The following CNKSR3 variants were observed in gnomAD, a reference collection of about 807,000 sequenced individuals.
The protein encoded by CNKSR3 is CNKSR family member 3, also known as connector enhancer of kinase suppressor of ras 3.
Under a neutral mutation model 67.7 loss-of-function variants are expected in CNKSR3, and 36 were observed. The observed-to-expected ratio is 0.53, with a 90% confidence interval of 0.41 to 0.70. The LOEUF is 0.70. Among genes scored for constraint, CNKSR3 ranks in the 30% least tolerant of loss-of-function variants. The pLI is 0.00. For missense variants in CNKSR3, 630 were observed against 695.2 expected (o/e 0.91, Z 1.05); for synonymous variants, 281 against 271.4 (o/e 1.04, Z -0.35).
At chr6:154,494,292 G>A (rs1325659323) in intron 1 of CNKSR3, among the ~76,000 whole-genome samples, 2 of 152,088 alleles carry the variant, frequency 1.3e-5, no homozygotes, top group Non-Finnish European at 2.9e-5. Flanking sequence ...CAGATCTTAT[G>A]AGAACTCACT....
intron 12 of CNKSR3, among the ~76,000 whole-genome samples, chr6:154,408,739 C>G (rs1784851991): frequency 6.6e-6 from 1 of 152,128 alleles, no homozygotes; most frequent in Admixed American, 6.5e-5. Flanking sequence ...CTAAAACCCA[C>G]CTGACTGTAT....
At chr6:154,424,585 C>G (rs1050230573) in intron 7 of CNKSR3, among the ~76,000 whole-genome samples, 4 of 152,154 alleles carry the variant, frequency 2.6e-5, no homozygotes, top group African/African-American at 9.7e-5. Context: ...ACAGGCTCAA[C>G]GGGAAATTAA....
At chr6:154,467,105 G>A (rs1346226836) in intron 1 of CNKSR3, among the ~76,000 whole-genome samples, 1 of 152,014 alleles carries the variant, frequency 6.6e-6, no homozygotes, top group Non-Finnish European at 1.5e-5. Flanking sequence ...GGCCTCCACA[G>A]CCATTCCCAA....
Position 154,410,349 on chromosome 6 carries a change from T to A in CNKSR3, c.1363A>T (p.Arg455Trp), listed in dbSNP as rs756049782. The A allele has an allele frequency of 1.2e-6, 2 of 1,613,450 alleles. No individual in the cohort carries two copies. Among genetic ancestry groups the A allele is most frequent in the Non-Finnish European group, 1.7e-6 (2 of 1,179,370 alleles). The change falls in exon 12 of 13, where the codon AGG (arginine) becomes TGG (tryptophan). Residue 455 changes from arginine (R) to tryptophan (W), a missense_variant. Arg to Trp is a moderately radical substitution (Grantham distance 101). Around this residue, in one of 3 missense-constraint regions of CNKSR3, gnomAD observed 308 missense variants for 299.6 expected, o/e 1.03. Coordinates refer to ENST00000607772, the MANE Select transcript of CNKSR3 (RefSeq NM_173515.4). ...TTGCTTGGATGAAACGTACCTTTCCTGCCATGACCTCGAGGTCTGGCAAAA... is the reference window on the plus strand; with the variant it reads ...TTGCTTGGATGAAACGTACCTTTCCAGCCATGACCTCGAGGTCTGGCAAAA... ...DPFARPRGHG[R>W]KGEDALCRYF...
At chr6:154,502,358 A>ATTTTTT (rs541089259) in intron 1 of CNKSR3, among the ~76,000 whole-genome samples, 4 of 141,300 alleles carry the variant, frequency 2.8e-5, no homozygotes, top group Non-Finnish European at 4.7e-5. Flanking sequence ...TGCCCAGCTA[A>ATTTTTT]TTTTTTTTTT....
At position 154,389,062 on chromosome 6, in the gene CNKSR3, ATTGT is replaced by A. The variant is rs1784579464; in HGVS notation, c.*17288_*17291del. On this transcript the variant is annotated 3_prime_UTR_variant, in exon 13 of 13. Coordinates refer to ENST00000607772, the MANE Select transcript of CNKSR3 (RefSeq NM_173515.4). ...CATAGGTTTTCTTTTCACTCTGTTG[ATTGT>A]TGCCTTTGCTGTGAGAAGCTTTGTG... 1 of 149,332 alleles carries A rather than the reference ATTGT, an allele frequency of 6.7e-6. No homozygotes were observed. The highest frequency in any genetic ancestry group is 1.5e-5 in the Non-Finnish European group (1 of 67,526). 9.3% of individuals were successfully genotyped at this position (149,332 alleles called of 1,614,324 possible). A position where few individuals can be genotyped will look rare whatever the true frequency, so the allele number is the denominator to read the frequency against.
rs1784579489 is a variant in CNKSR3 at position 154,389,064 on chromosome 6, T to G, written c.*17290A>C. ...TAGGTTTTCTTTTCACTCTGTTGAT[T>G]GTTGCCTTTGCTGTGAGAAGCTTTG... is the stretch of plus-strand genomic sequence containing the variant. On this transcript the variant is annotated 3_prime_UTR_variant, in exon 13 of 13. Coordinates refer to ENST00000607772, the MANE Select transcript of CNKSR3 (RefSeq NM_173515.4). 6.7e-6 allele frequency: 1 copy of G among 150,034 alleles called. No homozygotes were observed. The highest frequency in any genetic ancestry group is 2.2e-4 in the South Asian group (1 of 4,554). The allele number at this position is 150,034 out of a possible 1,614,324, so 9.3% of individuals were successfully genotyped here. A position where few individuals can be genotyped will look rare whatever the true frequency, so the allele number is the denominator to read the frequency against.
intron 9 of CNKSR3, among the ~76,000 whole-genome samples, chr6:154,418,256 C>A (rs1226627037): frequency 6.6e-6 from 1 of 152,212 alleles, no homozygotes; most frequent in Non-Finnish European, 1.5e-5. Context: ...ACCTGAGAGG[C>A]ATCCTTGCTG....
chr6:154,474,775 A>G lies in CNKSR3; in HGVS notation c.53-24517T>C, dbSNP rs73794112. Among the ~76,000 whole-genome samples the G allele has an allele frequency of 5.8e-3, 877 of 152,266 alleles. 11 individuals carry two copies. The highest frequency in any genetic ancestry group is 0.02 in the African/African-American group (836 of 41,554). Reference sequence around the variant, plus strand: ...GCAAAAACTAGCCAAAGAGGGTGCCAAGGGTTTGGACCAGGTTCAAACTCT... The same window carrying G: ...GCAAAAACTAGCCAAAGAGGGTGCCGAGGGTTTGGACCAGGTTCAAACTCT... On this transcript the variant is annotated intron_variant, in intron 1 of 12. Coordinates refer to ENST00000607772, the MANE Select transcript of CNKSR3 (RefSeq NM_173515.4).
At chr6:154,483,963 G>C (rs1462678670) in intron 1 of CNKSR3, among the ~76,000 whole-genome samples, 1 of 152,152 alleles carries the variant, frequency 6.6e-6, no homozygotes, top group Non-Finnish European at 1.5e-5. Flanking sequence ...CCACATTATT[G>C]CTGGTGGATG....
In CNKSR3 at chr6:154,442,372, T is replaced by C. The variant is rs773320376; in HGVS notation, c.217-82A>G. ...GCGCGGTGGCTCACGCCTGTAATCC[T>C]AGCACTTTGGGAGGCTGAAGTGGGC... On this transcript the variant is annotated intron_variant, in intron 2 of 12. Transcript: ENST00000607772. The C allele has an allele frequency of 2.4e-4, 286 of 1,209,506 alleles. 2 individuals carry two copies. The highest frequency in any genetic ancestry group is 1.0e-3 in the Middle Eastern group (5 of 4,860). 74.9% of individuals were successfully genotyped at this position (1,209,506 alleles called of 1,614,324 possible).
intron 1 of CNKSR3, among the ~76,000 whole-genome samples, chr6:154,466,541 T>C (rs942445258): frequency 1.3e-5 from 2 of 152,018 alleles, no homozygotes; most frequent in African/African-American, 2.4e-5. Context: ...AGAAAACATG[T>C]TGGGGATGGG....
Position 154,510,447 on chromosome 6 carries a change from A to T in CNKSR3, c.-333T>A. 1 of 366,838 alleles carries T rather than the reference A, an allele frequency of 2.7e-6. No individual in the cohort carries two copies. The highest frequency in any genetic ancestry group is 4.9e-6 in the Non-Finnish European group (1 of 202,400). The allele number at this position is 366,838 out of a possible 1,614,324, so 22.7% of individuals were successfully genotyped here. A position where few individuals can be genotyped will look rare whatever the true frequency, so the allele number is the denominator to read the frequency against. ...ACCCCTGGCCTCGGCTCGGCACGGGAGCCTCCCGGCCCGCGACCACTTCCT... is the reference window on the plus strand; with the variant it reads ...ACCCCTGGCCTCGGCTCGGCACGGGTGCCTCCCGGCCCGCGACCACTTCCT... On this transcript the variant is annotated 5_prime_UTR_variant, in exon 1 of 13. Coordinates refer to ENST00000607772, the MANE Select transcript of CNKSR3 (RefSeq NM_173515.4).
chr6:154,426,348 T>C (rs2128714568), intron 7 of CNKSR3, among the ~76,000 whole-genome samples: 1 of 151,038 alleles, frequency 6.6e-6, no homozygotes, highest in South Asian at 2.1e-4. Flanking sequence ...TTGAACTCTT[T>C]TATTTATTTA....
intron 1 of CNKSR3, among the ~76,000 whole-genome samples, chr6:154,498,684 C>T (rs1786924942): frequency 6.6e-6 from 1 of 152,224 alleles, no homozygotes; most frequent in Non-Finnish European, 1.5e-5. Flanking sequence ...TTCACTTCTG[C>T]AGTGTCTTTT....
intron 1 of CNKSR3, among the ~76,000 whole-genome samples, chr6:154,481,143 TTATC>T (rs1202026905): frequency 1.3e-5 from 2 of 151,858 alleles, no homozygotes; most frequent in East Asian, 3.9e-4. Context: ...TGTTTGATAT[TTATC>T]TATTTTATTT....
intron 6 of CNKSR3, 37 bp downstream of exon 6, chr6:154,430,435 G>A (rs1210322308): frequency 3.2e-6 from 5 of 1,569,844 alleles, no homozygotes; most frequent in Non-Finnish European, 4.3e-6. Context: ...GATGATGTAT[G>A]TTATCTGAAA....
intron 7 of CNKSR3, 102 bp downstream of exon 7, chr6:154,428,026 T>C (rs1343337979): frequency 2.2e-5 from 17 of 762,262 alleles, no homozygotes; most frequent in Non-Finnish European, 3.9e-5. Context: ...GCTCTCACAA[T>C]AATCAAACAG....
chr6:154,425,697 G>A (rs1161088020), intron 7 of CNKSR3, among the ~76,000 whole-genome samples: 1 of 151,694 alleles, frequency 6.6e-6, no homozygotes, highest in African/African-American at 2.4e-5. Flanking sequence ...ACTTTGGAAT[G>A]ATCCTGGCCT....
Sources: gnomAD v4.1 joint callset for allele counts (sites outside exome capture counted in the v4.1 genomes callset) on GRCh38, gnomAD v4.1.1 for gene constraint, gnomAD v4.1.1 regional missense constraint, MANE v1.5 for transcripts, NCBI Gene and HGNC (gene_info 2026-07-23, HGNC 2026-07-21) for gene names.